Variants in TBC1D5 observed in about 807,000 individuals in gnomAD.
The protein encoded by TBC1D5 is TBC1 domain family, member 5.
In TBC1D5, 75 loss-of-function variants were observed where a neutral mutation model predicts 100.3. The observed-to-expected ratio is 0.75, with a 90% CI of 0.62 to 0.91. The LOEUF is 0.91. Among genes scored for constraint, TBC1D5 ranks in the 40% least tolerant of loss-of-function variants. The pLI is 0.00. For synonymous variants in TBC1D5, 323 were observed against 325.6 expected, an observed-to-expected ratio of 0.99 and a Z score of 0.09; for missense variants, 910 against 942.4, an observed-to-expected ratio of 0.97 and a Z score of 0.45.
chr3:17,543,040 T>G (rs969316815), intron 2 of TBC1D5, among the ~76,000 whole-genome samples: 2 of 152,148 alleles, frequency 1.3e-5, no homozygotes, highest in African/African-American at 4.8e-5. Flanking sequence ...CTAACCTAAT[T>G]TATATCAACT....
intron 2 of TBC1D5, among the ~76,000 whole-genome samples, chr3:17,545,690 C>T (rs998941284): frequency 1.3e-5 from 2 of 152,148 alleles, no homozygotes; most frequent in Admixed American, 1.3e-4. Flanking sequence ...ATTGACACAA[C>T]ATTCAATGGG....
intron 19 of TBC1D5, among the ~76,000 whole-genome samples, chr3:17,172,102 A>G (rs578206848): frequency 2.0e-5 from 3 of 152,342 alleles, no homozygotes; most frequent in Non-Finnish European, 4.4e-5. Context: ...ACCCATGTAC[A>G]TATGAACTGT....
upstream of TBC1D5, among the ~76,000 whole-genome samples, chr3:17,741,157 G>C (rs2077397925): frequency 6.6e-6 from 1 of 150,876 alleles, no homozygotes; most frequent in Non-Finnish European, 1.5e-5. Flanking sequence ...AGCTGCACAT[G>C]TTATCAGAAA....
intron 3 of TBC1D5, among the ~76,000 whole-genome samples, chr3:17,446,328 A>T (rs2094792951): frequency 6.6e-6 from 1 of 152,216 alleles, no homozygotes; most frequent in Non-Finnish European, 1.5e-5. Context: ...AATGGTTTAG[A>T]TCAAAAAAAG....
chr3:17,264,659 G>C (rs1025983210), intron 15 of TBC1D5, among the ~76,000 whole-genome samples: 1 of 152,170 alleles, frequency 6.6e-6, no homozygotes, highest in Non-Finnish European at 1.5e-5. Flanking sequence ...AGTGAGGGTC[G>C]TACTCAGATT....
chr3:17,492,915 T>C (rs2095656690), intron 3 of TBC1D5, among the ~76,000 whole-genome samples: 1 of 151,866 alleles, frequency 6.6e-6, no homozygotes, highest in Non-Finnish European at 1.5e-5. Context: ...GTCTTTTAAT[T>C]GGGCATTTAG....
rs112734604 is a variant in TBC1D5 at position 17,176,757 on chromosome 3, A to T, written c.1852+8352T>A. Among the ~76,000 whole-genome samples the T allele has an allele frequency of 5.5e-3, 843 of 152,046 alleles. 4 individuals are homozygous for T. The highest frequency in any genetic ancestry group is 0.012 in the Admixed American group (187 of 15,266). The stretch of plus-strand genomic sequence containing the variant: ...TGGCATGTGTATACCTATGTAACAA[A>T]CCTGCATGTTCTGCACATGCACCCC... On this transcript the variant is annotated intron_variant, in intron 19 of 21. Coordinates refer to ENST00000253692, the Ensembl canonical transcript of TBC1D5.
At chr3:17,484,765 T>C (rs1241377061) in intron 3 of TBC1D5, among the ~76,000 whole-genome samples, 1 of 152,088 alleles carries the variant, frequency 6.6e-6, no homozygotes, top group African/African-American at 2.4e-5. Flanking sequence ...ATTACAGGCA[T>C]GAGCCACTAG....
At chr3:17,668,153 A>T (rs544693475) in intron 1 of TBC1D5, among the ~76,000 whole-genome samples, 49 of 147,726 alleles carry the variant, frequency 3.3e-4, no homozygotes, top group Non-Finnish European at 5.4e-4. Context: ...TTCACTTAAA[A>T]ATATATATAT....
At position 17,488,179 on chromosome 3, in the gene TBC1D5, C is replaced by T. The variant is rs181689581; in HGVS notation, c.97+20295G>A. Among the ~76,000 whole-genome samples, 154 of 152,270 alleles carry T rather than the reference C, an allele frequency of 1.0e-3. 2 individuals carry two copies. In the South Asian group the frequency reaches 0.018, roughly 18 times the overall value. The stretch of plus-strand genomic sequence containing the variant: ...CCCTTGGCAACCATCGATGTTTTTA[C>T]CGTCTCCTTAGTTTTTCCTTTTCCA... On this transcript the variant is annotated intron_variant, in intron 3 of 21. Transcript: ENST00000253692.
At chr3:17,269,085 C>T (rs61173556) in intron 15 of TBC1D5, among the ~76,000 whole-genome samples, 11,521 of 152,142 alleles carry the variant, frequency 0.076, 1,003 homozygotes, top group African/African-American at 0.22. Flanking sequence ...GCTACTTACA[C>T]ATAAGTACTT....
chr3:17,229,604 C>T (rs1380213991), intron 17 of TBC1D5, among the ~76,000 whole-genome samples: 3 of 152,110 alleles, frequency 2.0e-5, no homozygotes, highest in African/African-American at 7.2e-5. Flanking sequence ...AGGTAGCACC[C>T]TAGAGCCCTC....
At chr3:17,474,755 A>C (rs2095418406) in intron 3 of TBC1D5, among the ~76,000 whole-genome samples, 1 of 152,146 alleles carries the variant, frequency 6.6e-6, no homozygotes, top group Non-Finnish European at 1.5e-5. Context: ...AAAGAGAAAA[A>C]TTAAACTGAA....
chr3:17,489,736 T>C (rs1340625283), intron 3 of TBC1D5, among the ~76,000 whole-genome samples: 1 of 152,210 alleles, frequency 6.6e-6, no homozygotes, highest in Non-Finnish European at 1.5e-5. Context: ...ATGTACCACA[T>C]TTTCTTTATC....
chr3:17,221,403 T>C (rs938638079), intron 17 of TBC1D5, among the ~76,000 whole-genome samples: 1 of 152,118 alleles, frequency 6.6e-6, no homozygotes, highest in Non-Finnish European at 1.5e-5. Flanking sequence ...TCATTTAGCA[T>C]TAGATATATC....
chr3:17,349,976 G>T (rs1206473548), intron 13 of TBC1D5, among the ~76,000 whole-genome samples: 2 of 152,158 alleles, frequency 1.3e-5, no homozygotes, highest in African/African-American at 4.8e-5. Context: ...CATGCCCTAT[G>T]AAATAAATTA....
intron 1 of TBC1D5, among the ~76,000 whole-genome samples, chr3:17,700,818 A>AG (rs1366029548): frequency 6.6e-6 from 1 of 152,184 alleles, no homozygotes; most frequent in Non-Finnish European, 1.5e-5. Flanking sequence ...ATCATTAAAA[A>AG]GTCAGGAAAC....
At chr3:17,714,106 A>G (rs1577723974) in intron 1 of TBC1D5, among the ~76,000 whole-genome samples, 1 of 152,282 alleles carries the variant, frequency 6.6e-6, no homozygotes, top group Middle Eastern at 3.4e-3. Flanking sequence ...CAGAGAGAGC[A>G]GAATAGACTG....
chr3:17,453,986 C>T, intron 3 of TBC1D5, among the ~76,000 whole-genome samples: 1 of 152,120 alleles, frequency 6.6e-6, no homozygotes, highest in East Asian at 1.9e-4. Context: ...TGTGATACAT[C>T]CTACCAATGG....
Sources: allele counts gnomAD v4.1 joint callset (sites outside exome capture counted in the v4.1 genomes callset), GRCh38; gene constraint gnomAD v4.1.1; transcripts MANE v1.5; gene names NCBI Gene and HGNC (gene_info 2026-07-23, HGNC 2026-07-21).